The following THEMIS variants were observed in gnomAD, a reference collection of about 807,000 sequenced individuals.
THEMIS encodes the protein protein THEMIS.
In THEMIS, 37 loss-of-function variants were observed where a neutral mutation model predicts 52.6. The observed-to-expected ratio is 0.70, with a 90% confidence interval of 0.54 to 0.93. The LOEUF is 0.93. Among genes scored for constraint, THEMIS ranks in the 40% least tolerant of loss-of-function variants. THEMIS has a pLI of 0.00. For missense variants in THEMIS, 808 were observed against 763.1 expected (o/e 1.06, Z -0.69); for synonymous variants, 292 against 272.7 (o/e 1.07, Z -0.70).
chr6:127,743,994 T>C (rs547787512), intron 4 of THEMIS, among the ~76,000 whole-genome samples: 5 of 152,068 alleles, frequency 3.3e-5, no homozygotes, highest in Non-Finnish European at 7.4e-5. Flanking sequence ...AAATAAGACT[T>C]TTATTAAGTA....
At chr6:127,890,894 T>C (rs1780784781) in intron 1 of THEMIS, among the ~76,000 whole-genome samples, 1 of 152,104 alleles carries the variant, frequency 6.6e-6, no homozygotes, top group African/African-American at 2.4e-5. Flanking sequence ...GAAATACATG[T>C]ATGGAAAGCG....
intron 1 of THEMIS, among the ~76,000 whole-genome samples, chr6:127,863,583 T>C (rs1316799066): frequency 2.0e-5 from 3 of 152,206 alleles, no homozygotes; most frequent in African/African-American, 7.2e-5. Flanking sequence ...CAAACAAAGC[T>C]GTCAAACAAT....
chr6:127,796,624 T>C (rs1278150239), intron 4 of THEMIS, among the ~76,000 whole-genome samples: 1 of 152,228 alleles, frequency 6.6e-6, no homozygotes, highest in African/African-American at 2.4e-5. Flanking sequence ...AGAGCTTATT[T>C]GATTTTACTT....
chr6:127,842,248 T>C (rs1779074040), intron 2 of THEMIS, among the ~76,000 whole-genome samples: 1 of 152,028 alleles, frequency 6.6e-6, no homozygotes, highest in South Asian at 2.1e-4. Flanking sequence ...ATTTCAATAG[T>C]AGATGAAAAT....
intron 4 of THEMIS, among the ~76,000 whole-genome samples, chr6:127,757,839 T>C (rs1343969294): frequency 6.6e-6 from 1 of 152,122 alleles, no homozygotes; most frequent in African/African-American, 2.4e-5. Context: ...AATATCAGTA[T>C]AGCTAAGAAT....
rs1205472288 is a variant in THEMIS at position 127,708,791 on chromosome 6, ACT to A, written c.*1192_*1193del. Reference sequence around the variant, plus strand: ...TAATCAGAATATAAACATTGAAAAAACTCTAATTTTTTTTGTTCTAAAGTTGA... The same window carrying A: ...TAATCAGAATATAAACATTGAAAAAACTAATTTTTTTTGTTCTAAAGTTGA... On this transcript the variant is annotated 3_prime_UTR_variant, in exon 6 of 6. Transcript: ENST00000368248. The A allele has an allele frequency of 6.6e-6, 1 of 151,814 alleles. No homozygotes were observed. Among genetic ancestry groups the A allele is most frequent in the African/African-American group, 2.4e-5 (1 of 41,332 alleles). The allele number at this position is 151,814 out of a possible 1,614,324, so 9.4% of individuals were successfully genotyped here.
intron 4 of THEMIS, among the ~76,000 whole-genome samples, chr6:127,803,122 T>C (rs954259518): frequency 3.9e-5 from 6 of 152,176 alleles, no homozygotes; most frequent in Admixed American, 6.5e-5. Context: ...TCCTCTCTCT[T>C]ATATTATTGT....
rs116559263 is a variant in THEMIS, at chr6:127,778,612, C to A, written c.1758+34271G>T. ...GATTTGCCAGCCCATTTAAAGCAGG[C>A]AGACATCCTAAGGTATACCACGACA... is the stretch of plus-strand genomic sequence containing the variant. On this transcript the variant is annotated intron_variant, in intron 4 of 5. Coordinates refer to ENST00000368248, the MANE Select transcript of THEMIS (RefSeq NM_001010923.3). Among the ~76,000 whole-genome samples the A allele has an allele frequency of 3.4e-3, 521 of 152,218 alleles. 2 individuals are homozygous for A. The highest frequency in any genetic ancestry group is 0.012 in the African/African-American group (492 of 41,550).
intron 4 of THEMIS, among the ~76,000 whole-genome samples, chr6:127,733,558 G>T (rs991366015): frequency 3.3e-5 from 5 of 152,152 alleles, no homozygotes; most frequent in Admixed American, 6.5e-5. Flanking sequence ...AGATCCAGTA[G>T]CCACAACTGC....
chr6:127,710,314 T>C (rs956864522), intron 5 of THEMIS, among the ~76,000 whole-genome samples: 2 of 151,994 alleles, frequency 1.3e-5, no homozygotes, highest in African/African-American at 2.4e-5. Flanking sequence ...TTCATCCTTA[T>C]AACAACTCTA....
chr6:127,773,454 A>G lies in THEMIS; in HGVS notation c.1758+39429T>C, dbSNP rs547118418. Among the ~76,000 whole-genome samples, 3 of 152,358 alleles carry G rather than the reference A, an allele frequency of 2.0e-5. No homozygotes were observed. In the East Asian group the frequency reaches 5.8e-4, roughly 29 times the overall value. On this transcript the variant is annotated intron_variant, in intron 4 of 5. Transcript: ENST00000368248. ...GCTGTTAAAAACATTTAGAAATCTA[A>G]AAAGTACTTTATGTATTTAAAAAAT... is the stretch of plus-strand genomic sequence containing the variant.
At chr6:127,801,329 A>C (rs1369112841) in intron 4 of THEMIS, among the ~76,000 whole-genome samples, 1 of 152,190 alleles carries the variant, frequency 6.6e-6, no homozygotes, top group East Asian at 1.9e-4. Context: ...ATCAAGCCTC[A>C]GATCTGCTAA....
rs368884045 is a variant in THEMIS, at chr6:127,737,159, T to C, written c.1759-17336A>G. Among the ~76,000 whole-genome samples the C allele has an allele frequency of 5.3e-5, 8 of 152,268 alleles. No homozygotes were observed. In the East Asian group the frequency reaches 1.4e-3, roughly 26 times the overall value. ...GGCTCTTGGCAACTACCTTTCAGAG[T>C]GTAGCTACTCCTGGCTGAGGAAGCA... On this transcript the variant is annotated intron_variant, in intron 4 of 5. Coordinates refer to ENST00000368248, the MANE Select transcript of THEMIS (RefSeq NM_001010923.3).
chr6:127,828,204 A>G (rs1041811305), intron 3 of THEMIS, among the ~76,000 whole-genome samples: 2 of 152,220 alleles, frequency 1.3e-5, no homozygotes, highest in Admixed American at 1.3e-4. Flanking sequence ...ATTTGTAACT[A>G]TGCGATAGGC....
intron 1 of THEMIS, among the ~76,000 whole-genome samples, chr6:127,914,082 C>G (rs1046630306): frequency 6.6e-6 from 1 of 152,074 alleles, no homozygotes; most frequent in Non-Finnish European, 1.5e-5. Flanking sequence ...TTTGTAGACA[C>G]CTTATACACA....
chr6:127,717,783 A>C (rs1286736896), intron 5 of THEMIS, among the ~76,000 whole-genome samples: 1 of 151,666 alleles, frequency 6.6e-6, no homozygotes, highest in Non-Finnish European at 1.5e-5. Context: ...TGAAAGAGCA[A>C]CATTAGAAAA....
At chr6:127,759,330 T>G (rs1209430823) in intron 4 of THEMIS, among the ~76,000 whole-genome samples, 3 of 152,200 alleles carry the variant, frequency 2.0e-5, no homozygotes. Context: ...TGTAGGCTGA[T>G]GACACCAAAA....
At chr6:127,788,784 C>T (rs1777061130) in intron 4 of THEMIS, among the ~76,000 whole-genome samples, 1 of 152,132 alleles carries the variant, frequency 6.6e-6, no homozygotes, top group South Asian at 2.1e-4. Flanking sequence ...CCCCTCCCTA[C>T]TCTCCAGGAA....
At chr6:127,705,345 G>T (rs926534573), downstream of THEMIS, among the ~76,000 whole-genome samples, 7 of 152,204 alleles carry the variant, frequency 4.6e-5, no homozygotes, top group Non-Finnish European at 8.8e-5. Context: ...ATGGACTCAT[G>T]AGTGGAGTAA....
Sources: gnomAD v4.1 joint callset for allele counts (sites outside exome capture counted in the v4.1 genomes callset) on GRCh38, gnomAD v4.1.1 for gene constraint, MANE v1.5 for transcripts, NCBI Gene and HGNC (gene_info 2026-07-23, HGNC 2026-07-21) for gene names.